Variants in NBAS observed in about 807,000 individuals in gnomAD.
NBAS encodes the protein NBAS subunit of NRZ tethering complex.
NBAS carries 219 observed loss-of-function variants against 302.5 expected under a neutral mutation model. That is an observed-to-expected ratio of 0.72 (90% CI 0.65 to 0.81). The LOEUF is 0.81. Ranked by LOEUF, NBAS falls within the 30% of genes least tolerant of loss-of-function variation. The probability of loss-of-function intolerance (pLI) is 0.00; values close to 1 mark genes in which losing one functional copy is unlikely to be tolerated. For missense variants in NBAS, 2,932 were observed against 2,841.6 expected (o/e 1.03, Z -0.72); for synonymous variants, 1,118 against 1,021.6 (o/e 1.09, Z -1.80).
chr2:15,373,877 A>G (rs1406411679), intron 31 of NBAS, among the ~76,000 whole-genome samples: 2 of 152,202 alleles, frequency 1.3e-5, no homozygotes, highest in Non-Finnish European at 2.9e-5. Context: ...CACACTGCTA[A>G]TAATACCAAG....
the NBAS span, among the ~76,000 whole-genome samples, chr2:14,820,638 T>C: frequency 6.2e-4 from 94 of 152,208 alleles, no homozygotes; most frequent in Non-Finnish European, 1.2e-3. Context: ...TCAATAATAA[T>C]TTAACTGTAT....
chr2:15,555,450 A>G (rs1664602183), intron 3 of NBAS, among the ~76,000 whole-genome samples: 1 of 152,138 alleles, frequency 6.6e-6, no homozygotes, highest in African/African-American at 2.4e-5. Context: ...AGGACTTGAG[A>G]TGTAACATTT....
chr2:14,973,564 A>G, the NBAS span, among the ~76,000 whole-genome samples: 1 of 152,254 alleles, frequency 6.6e-6, no homozygotes, highest in Admixed American at 6.5e-5. Context: ...ACAGCATTGC[A>G]CAAGCTTCAT....
At chr2:15,337,683 C>T (rs1301541034) in intron 35 of NBAS, among the ~76,000 whole-genome samples, 2 of 152,094 alleles carry the variant, frequency 1.3e-5, no homozygotes, top group Non-Finnish European at 2.9e-5. Flanking sequence ...AAGAGCTTCT[C>T]CTAATGAGAA....
chr2:15,503,848 G>A (rs1157854335), intron 11 of NBAS, among the ~76,000 whole-genome samples: 1 of 152,088 alleles, frequency 6.6e-6, no homozygotes, highest in South Asian at 2.1e-4. Flanking sequence ...GAAATTCAAA[G>A]ATATGTATAT....
At chr2:14,969,200 G>A in the NBAS span, among the ~76,000 whole-genome samples, 1 of 152,128 alleles carries the variant, frequency 6.6e-6, no homozygotes, top group Non-Finnish European at 1.5e-5. Flanking sequence ...TGAAGAAAAT[G>A]GGTACCGTGG....
intron 40 of NBAS, among the ~76,000 whole-genome samples, chr2:15,300,558 C>T (rs889971933): frequency 6.6e-6 from 1 of 152,194 alleles, no homozygotes; most frequent in Non-Finnish European, 1.5e-5. Flanking sequence ...GAACTCACAA[C>T]TGCAAACCTG....
intron 35 of NBAS, among the ~76,000 whole-genome samples, chr2:15,346,249 T>G (rs1429026112): frequency 1.3e-5 from 2 of 152,022 alleles, no homozygotes; most frequent in East Asian, 3.9e-4. Flanking sequence ...ATTTTTGTAA[T>G]CTACCCATCT....
intron 38 of NBAS, among the ~76,000 whole-genome samples, chr2:15,320,182 C>T (rs565805116): frequency 1.7e-4 from 26 of 152,146 alleles, no homozygotes; most frequent in Non-Finnish European, 2.8e-4. Context: ...AAAAGGCCTT[C>T]GACAAAATTC....
At chr2:14,896,414 G>A in the NBAS span, among the ~76,000 whole-genome samples, 1 of 152,100 alleles carries the variant, frequency 6.6e-6, no homozygotes, top group Non-Finnish European at 1.5e-5. Flanking sequence ...GTTTCTCACA[G>A]CAATTTAATT....
At chr2:15,025,121 C>T in the NBAS span, among the ~76,000 whole-genome samples, 1 of 152,112 alleles carries the variant, frequency 6.6e-6, no homozygotes, top group Non-Finnish European at 1.5e-5. Flanking sequence ...ATATTTAATC[C>T]ATCTTGAGTT....
intron 30 of NBAS, among the ~76,000 whole-genome samples, chr2:15,376,011 G>C (rs1399932430): frequency 1.3e-5 from 2 of 152,050 alleles, no homozygotes; most frequent in African/African-American, 4.8e-5. Flanking sequence ...TGTTTTGGAA[G>C]GATACATAAG....
chr2:14,899,806 G>A, the NBAS span, among the ~76,000 whole-genome samples: 1 of 151,754 alleles, frequency 6.6e-6, no homozygotes, highest in Non-Finnish European at 1.5e-5. Flanking sequence ...TGGGAAACGG[G>A]CCACCTGGAG....
chr2:15,060,847 T>A, the NBAS span, among the ~76,000 whole-genome samples: 1 of 151,948 alleles, frequency 6.6e-6, no homozygotes, highest in Non-Finnish European at 1.5e-5. Context: ...ACAAGAGAAA[T>A]AAGGGAGGCA....
At chr2:15,189,247 T>C (rs1665229613) in intron 49 of NBAS, among the ~76,000 whole-genome samples, 1 of 152,230 alleles carries the variant, frequency 6.6e-6, no homozygotes, top group East Asian at 1.9e-4. Flanking sequence ...CTTTTCTTTC[T>C]GAAAACACTT....
At chr2:14,879,351 T>C in the NBAS span, among the ~76,000 whole-genome samples, 2 of 152,222 alleles carry the variant, frequency 1.3e-5, no homozygotes, top group African/African-American at 4.8e-5. Context: ...CTGTTTTTGC[T>C]GCCATGTGGC....
Position 15,356,337 on chromosome 2 carries a change from T to G in NBAS, c.3897A>C (p.Ala1299=). The part of the protein sequence containing the change: ...EQALRFHDYK[A]ASMHCQELMA... Reference sequence around the variant, plus strand: ...TCAGCTCCTGACAATGCATACTGGCTGCTTTGTAGTCATGGAAGCGAAGTG... The same window carrying G: ...TCAGCTCCTGACAATGCATACTGGCGGCTTTGTAGTCATGGAAGCGAAGTG... Residue 1299 remains alanine, a synonymous_variant, in exon 33 of 52, where the codon GCA becomes GCC. Coordinates refer to ENST00000281513, the MANE Select transcript of NBAS (RefSeq NM_015909.4). 6.2e-7 allele frequency: 1 copy of G among 1,613,866 alleles called. No homozygotes were observed. The highest frequency in any genetic ancestry group is 8.5e-7 in the Non-Finnish European group (1 of 1,179,800).
chr2:14,967,734 T>G, the NBAS span, among the ~76,000 whole-genome samples: 6 of 152,158 alleles, frequency 3.9e-5, 1 homozygote, highest in Admixed American at 2.6e-4. Context: ...ATCAAAACTT[T>G]TGTACTATAA....
chr2:15,145,164 CTGCT>C, the NBAS span, among the ~76,000 whole-genome samples: 1 of 152,208 alleles, frequency 6.6e-6, no homozygotes, highest in Non-Finnish European at 1.5e-5. Flanking sequence ...AAAGAATAGA[CTGCT>C]TGTGTTGCTG....
Sources: allele counts gnomAD v4.1 joint callset (sites outside exome capture counted in the v4.1 genomes callset), GRCh38; gene constraint gnomAD v4.1.1; transcripts MANE v1.5; gene names NCBI Gene and HGNC (gene_info 2026-07-23, HGNC 2026-07-21).